Variants in PIK3AP1 observed in about 807,000 individuals in gnomAD.
The protein encoded by PIK3AP1 is phosphoinositide 3-kinase adapter protein 1.
In PIK3AP1, 21 loss-of-function variants were observed where a neutral mutation model predicts 88.1. The ratio of observed to expected loss-of-function variants is 0.24; its 90% CI spans 0.17 to 0.34. The LOEUF is 0.34. Among genes scored for constraint, PIK3AP1 ranks in the 10% least tolerant of loss-of-function variants. The pLI, the probability that PIK3AP1 is intolerant of heterozygous loss-of-function variation, is 1.00. For missense variants in PIK3AP1, 828 were observed against 1,035.7 expected (o/e 0.80, Z 2.75); for synonymous variants, 398 against 400.0 (o/e 1.00, Z 0.06).
intron 8 of PIK3AP1, among the ~76,000 whole-genome samples, chr10:96,629,909 C>CAAAAAAA (rs66669261): frequency 1.8e-4 from 1 of 5,414 alleles, no homozygotes; most frequent in African/African-American, 2.5e-4. Flanking sequence ...CAACAACAAC[C>CAAAAAAA]AAAAAAAAAA....
chr10:96,702,859 G>A (rs1221889601), intron 2 of PIK3AP1, among the ~76,000 whole-genome samples: 1 of 152,022 alleles, frequency 6.6e-6, no homozygotes, highest in Non-Finnish European at 1.5e-5. Flanking sequence ...TTAGCTGAAA[G>A]CATTTTTAAA....
chr10:96,606,890 G>T (rs1168902212), intron 14 of PIK3AP1, among the ~76,000 whole-genome samples: 1 of 152,052 alleles, frequency 6.6e-6, no homozygotes, highest in African/African-American at 2.4e-5. Context: ...AGTATAATAC[G>T]ATTCTTAAGA....
Position 96,620,502 on chromosome 10 carries a change from A to G in PIK3AP1, c.1791T>C (p.Phe597=). Residue 597 remains phenylalanine (F), a synonymous_variant, in exon 12 of 17, where the codon TTT becomes TTC. Coordinates refer to ENST00000339364, the MANE Select transcript of PIK3AP1 (RefSeq NM_152309.3). The stretch of plus-strand genomic sequence containing the variant: ...GCTGGCCTGGCGTTTTCATTCCCGC[A>G]AAAGGGTCATATATACTCGACTGGG... ...DRPQSSIYDP[F]AGMKTPGQRQ... The G allele has an allele frequency of 6.2e-7, 1 of 1,613,932 alleles. No individual in the cohort carries two copies. Among genetic ancestry groups the G allele is most frequent in the East Asian group, 2.2e-5 (1 of 44,878 alleles).
intron 8 of PIK3AP1, among the ~76,000 whole-genome samples, chr10:96,640,297 A>C (rs74552447): frequency 6.6e-6 from 1 of 152,164 alleles, no homozygotes; most frequent in Non-Finnish European, 1.5e-5. Flanking sequence ...GCTCTCGGGT[A>C]TTGAAGCAAA....
intron 13 of PIK3AP1, among the ~76,000 whole-genome samples, chr10:96,615,780 A>G (rs547458255): frequency 2.7e-4 from 41 of 152,258 alleles, no homozygotes; most frequent in African/African-American, 8.7e-4. Context: ...GGCAGGAGAG[A>G]ATGTCCCATT....
At chr10:96,633,210 TC>T in intron 8 of PIK3AP1, 1 of 851,766 alleles carries the variant, frequency 1.2e-6, no homozygotes, top group Non-Finnish European at 1.7e-6. Context: ...TCCTCCCAGT[TC>T]CAGATGCAAT....
chr10:96,606,927 C>G (rs1273421852), intron 14 of PIK3AP1, among the ~76,000 whole-genome samples: 1 of 152,170 alleles, frequency 6.6e-6, no homozygotes, highest in Non-Finnish European at 1.5e-5. Context: ...AAACTAGCGT[C>G]TGTTTTAAAA....
At chr10:96,670,878 C>T (rs1340865144) in intron 2 of PIK3AP1, among the ~76,000 whole-genome samples, 1 of 152,166 alleles carries the variant, frequency 6.6e-6, no homozygotes, top group Admixed American at 6.5e-5. Flanking sequence ...CCCGAGCAAG[C>T]GCTGCCTCCA....
At chr10:96,626,091 G>A (rs556414493) in intron 10 of PIK3AP1, among the ~76,000 whole-genome samples, 6 of 152,062 alleles carry the variant, frequency 3.9e-5, no homozygotes, top group South Asian at 2.1e-4. Context: ...TATTGCAATC[G>A]AGTCGAAAAA....
At chr10:96,657,659 G>T (rs1171343950) in intron 2 of PIK3AP1, among the ~76,000 whole-genome samples, 5 of 147,850 alleles carry the variant, frequency 3.4e-5, no homozygotes, top group African/African-American at 1.2e-4. Flanking sequence ...GTGCAAGATT[G>T]TGTGTGTGTG....
chr10:96,609,308 C>T (rs1478596088), intron 14 of PIK3AP1, among the ~76,000 whole-genome samples: 2 of 152,326 alleles, frequency 1.3e-5, no homozygotes, highest in East Asian at 3.9e-4. Context: ...CCGGCTATTC[C>T]ACATTAGCTA....
chr10:96,706,777 T>C (rs1209039000), intron 2 of PIK3AP1, among the ~76,000 whole-genome samples: 2 of 152,124 alleles, frequency 1.3e-5, no homozygotes, highest in African/African-American at 4.8e-5. Context: ...TAAGAAAGCT[T>C]GTCCAGCAAA....
intron 16 of PIK3AP1, among the ~76,000 whole-genome samples, chr10:96,597,114 T>C (rs565869206): frequency 6.6e-6 from 1 of 151,952 alleles, no homozygotes; most frequent in Non-Finnish European, 1.5e-5. Context: ...GACTGAGCTT[T>C]ATACCATGAA....
intron 2 of PIK3AP1, among the ~76,000 whole-genome samples, chr10:96,658,692 T>G (rs1843647756): frequency 6.6e-6 from 1 of 152,168 alleles, no homozygotes; most frequent in Non-Finnish European, 1.5e-5. Flanking sequence ...CAATGAGGCA[T>G]GTACTCTTGC....
chr10:96,667,015 A>C (rs1843772627), intron 2 of PIK3AP1, among the ~76,000 whole-genome samples: 1 of 152,198 alleles, frequency 6.6e-6, no homozygotes. Context: ...CTGACGCCTA[A>C]AGGTGCTGCC....
At chr10:96,697,335 G>A (rs911652256) in intron 2 of PIK3AP1, among the ~76,000 whole-genome samples, 1 of 152,108 alleles carries the variant, frequency 6.6e-6, no homozygotes, top group Admixed American at 6.5e-5. Flanking sequence ...CTGTACACGC[G>A]AACTTAACTT....
At chr10:96,628,538 C>T in intron 8 of PIK3AP1, 45 bp from the exon 9 acceptor site, 2 of 1,472,374 alleles carry the variant, frequency 1.4e-6, no homozygotes, top group Non-Finnish European at 1.9e-6. Flanking sequence ...GTCTCCTCCA[C>T]AGGCAAGGAG....
chr10:96,696,583 A>G (rs893272898), intron 2 of PIK3AP1, among the ~76,000 whole-genome samples: 3 of 152,068 alleles, frequency 2.0e-5, no homozygotes, highest in African/African-American at 7.2e-5. Flanking sequence ...AAATTAACAA[A>G]CCCATTCTGT....
At chr10:96,605,812 G>A (rs929982635) in intron 14 of PIK3AP1, among the ~76,000 whole-genome samples, 13 of 152,140 alleles carry the variant, frequency 8.5e-5, no homozygotes, top group African/African-American at 3.1e-4. Context: ...TGAGCCGGGT[G>A]CGGTGGCTCA....
Sources: allele counts gnomAD v4.1 joint callset (sites outside exome capture counted in the v4.1 genomes callset), GRCh38; gene constraint gnomAD v4.1.1; transcripts MANE v1.5; gene names NCBI Gene and HGNC (gene_info 2026-07-23, HGNC 2026-07-21).